Variants in ALOXE3 observed in about 807,000 individuals in gnomAD.
ALOXE3 encodes the protein hydroperoxide isomerase ALOXE3.
In ALOXE3, 78 loss-of-function variants were observed where a neutral mutation model predicts 87.5. The ratio of observed to expected loss-of-function variants is 0.89; its 90% CI spans 0.74 to 1.08. The LOEUF is 1.08. Ranked by LOEUF, ALOXE3 falls within the 50% of genes least tolerant of loss-of-function variation. The probability of loss-of-function intolerance (pLI) is 0.00; values close to 1 mark genes in which losing one functional copy is unlikely to be tolerated. For missense variants in ALOXE3, 946 were observed against 912.4 expected, an observed-to-expected ratio of 1.04 and a Z score of -0.47; for synonymous variants, 363 against 370.8, an observed-to-expected ratio of 0.98 and a Z score of 0.24.
rs769791748 is a variant in ALOXE3, at chr17:8,111,431, G to T, written c.885C>A (p.Ser295Arg). The T allele has an allele frequency of 3.7e-6, 6 of 1,614,140 alleles. No individual in the cohort carries two copies. The highest frequency in any genetic ancestry group is 2.7e-5 in the African/African-American group (2 of 75,050). ...CCATGTCATTGGTGACAGGCAGCTT[G>T]CTGGGCAAGCTAGAGATGCAGTGGA... Reference protein sequence around the residue: ...VMLHCISSLPSKLPVTNDMVA... With the variant: ...VMLHCISSLPRKLPVTNDMVA... The change falls in exon 8 of 16, where the codon AGC becomes AGA. Residue 295 changes from serine to arginine, a missense_variant. Transcript: ENST00000448843.
Position 8,108,052 on chromosome 17 carries a change from A to G in ALOXE3, c.1684+416T>C, listed in dbSNP as rs569916599. 1.3e-3 allele frequency among the ~76,000 whole-genome samples: 200 copies of G among 148,644 alleles called. 27 individuals are homozygous for G. Among genetic ancestry groups the G allele is most frequent in the Admixed American group, 0.011 (163 of 14,528 alleles). On this transcript the variant is annotated intron_variant, in intron 13 of 15. Coordinates refer to ENST00000448843, the MANE Select transcript of ALOXE3 (RefSeq NM_021628.3). Reference sequence around the variant, plus strand: ...GAAAGAAAGAAAGAAAGAAAGAAAGAAAGAAAGAAAGAAAGGAAGAGAGGT... The same window carrying G: ...GAAAGAAAGAAAGAAAGAAAGAAAGGAAGAAAGAAAGAAAGGAAGAGAGGT...
chr17:8,115,166 G>A, intron 4 of ALOXE3, 109 bp from the exon 5 acceptor site: 1 of 1,430,468 alleles, frequency 7.0e-7, no homozygotes, highest in East Asian at 2.3e-5. Context: ...CCTACTTTCT[G>A]GATGAGTGAC....
chr17:8,117,790 G>C, intron 2 of ALOXE3, 54 bp downstream of exon 2: 1 of 1,584,546 alleles, frequency 6.3e-7, no homozygotes, highest in Non-Finnish European at 8.6e-7. Context: ...TACTCCTCCC[G>C]CCTGCGGCCC....
chr17:8,118,187 G>A lies in ALOXE3; in HGVS notation c.-197C>T, dbSNP rs979078634. On this transcript the variant is annotated 5_prime_UTR_variant, in exon 2 of 16. Transcript: ENST00000448843. ...CTCTCTCCGAAGCTCCCTGCTGGCG[G>A]CTCGGGCTTCCTCTCTCCGCCCACA... 9.0e-6 allele frequency: 14 copies of A among 1,551,436 alleles called. No individual in the cohort carries two copies. The highest frequency in any genetic ancestry group is 1.4e-5 in the African/African-American group (1 of 73,018).
chr17:8,107,965 G>GGAAAGA (rs200841890), intron 13 of ALOXE3, among the ~76,000 whole-genome samples: 197 of 6,286 alleles, frequency 0.031, 84 homozygotes, highest in East Asian at 0.057. Flanking sequence ...AAGAAAGGAA[G>GGAAAGA]GAGAGAGAGA....
Position 8,115,649 on chromosome 17 carries a change from T to C in ALOXE3, c.392A>G (p.Asp131Gly). Residue 131 changes from aspartate to glycine, a missense_variant, in exon 4 of 16, where the codon GAT becomes GGT. Coordinates refer to ENST00000448843, the MANE Select transcript of ALOXE3 (RefSeq NM_021628.3). ...ICQDSLPLLL[D>G]HRTRELRARQ... ...GGCCCGGAGCTCCCGTGTCCTGTGA[T>C]CCAGGAGGAGGGGAAGAGAGTCCTG... 1 of 1,614,056 alleles carries C rather than the reference T, an allele frequency of 6.2e-7. No homozygotes were observed. The highest frequency in any genetic ancestry group is 8.5e-7 in the Non-Finnish European group (1 of 1,179,934).
At chr17:8,118,521 C>T, upstream of ALOXE3, 3 of 1,535,590 alleles carry the variant, frequency 2.0e-6, no homozygotes, top group Non-Finnish European at 1.7e-6. Flanking sequence ...GTGTGAATCA[C>T]TAAACAGTGG....
At chr17:8,106,938 T>G (rs1405010692) in intron 13 of ALOXE3, among the ~76,000 whole-genome samples, 2 of 152,200 alleles carry the variant, frequency 1.3e-5, no homozygotes, top group Non-Finnish European at 2.9e-5. Context: ...GGTTAATAAG[T>G]GTGTTTTCCC....
chr17:8,109,537 G>T (rs1979829540), intron 11 of ALOXE3, among the ~76,000 whole-genome samples, 194 bp from the exon 12 acceptor site: 1 of 152,252 alleles, frequency 6.6e-6, no homozygotes, highest in Non-Finnish European at 1.5e-5. Flanking sequence ...CGTGGGAGGA[G>T]ATCCTTAGGT....
chr17:8,113,614 C>T (rs1278337504), intron 6 of ALOXE3, among the ~76,000 whole-genome samples: 5 of 152,120 alleles, frequency 3.3e-5, no homozygotes, highest in Non-Finnish European at 7.4e-5. Flanking sequence ...GATCGAGCCA[C>T]TGCACTCCAG....
chr17:8,099,642 C>T (rs997952859), intron 15 of ALOXE3, among the ~76,000 whole-genome samples: 6 of 149,354 alleles, frequency 4.0e-5, no homozygotes, highest in Admixed American at 2.0e-4. Flanking sequence ...GCCTGGGTGA[C>T]GGAGTGAGAC....
intron 3 of ALOXE3, 61 bp from the exon 4 acceptor site, chr17:8,115,749 C>A (rs3027217): frequency 1.5e-4 from 232 of 1,543,002 alleles, no homozygotes; most frequent in Non-Finnish European, 2.0e-4. Context: ...CTTCTGCAAA[C>A]CTTGCCTGAA....
chr17:8,105,429 T>C (rs975429808), intron 13 of ALOXE3, among the ~76,000 whole-genome samples: 3 of 152,196 alleles, frequency 2.0e-5, no homozygotes, highest in East Asian at 1.9e-4. Flanking sequence ...CTTGACACAC[T>C]GTATCCCCTG....
intron 7 of ALOXE3, 112 bp downstream of exon 7, chr17:8,111,981 C>G (rs2151841537): frequency 1.0e-6 from 1 of 989,462 alleles, no homozygotes; most frequent in Non-Finnish European, 1.6e-6. Flanking sequence ...CCACTCAAAT[C>G]CAGCAGTCTC....
chr17:8,103,502 A>G lies in ALOXE3; in HGVS notation c.1786-9T>C. On this transcript the variant is annotated splice_polypyrimidine_tract_variant and intron_variant, in intron 14 of 15. Coordinates refer to ENST00000448843, the MANE Select transcript of ALOXE3 (RefSeq NM_021628.3). ...CAGGCCCCAAAGTCATGCTGTGGAGACCCCCATCCCAGTTGGGTCAGTTGG... is the reference window on the plus strand; with the variant it reads ...CAGGCCCCAAAGTCATGCTGTGGAGGCCCCCATCCCAGTTGGGTCAGTTGG... 6.2e-7 allele frequency: 1 copy of G among 1,613,114 alleles called. No individual in the cohort carries two copies. Among genetic ancestry groups the G allele is most frequent in the Non-Finnish European group, 8.5e-7 (1 of 1,179,804 alleles).
chr17:8,109,373 G>T, intron 11 of ALOXE3, 30 bp from the exon 12 acceptor site: 1 of 1,609,362 alleles, frequency 6.2e-7, no homozygotes, highest in South Asian at 1.1e-5. Flanking sequence ...CGGCTCCCGG[G>T]CCGGCCCAAT....
chr17:8,100,637 C>A (rs1038157618), intron 15 of ALOXE3, among the ~76,000 whole-genome samples: 3 of 151,918 alleles, frequency 2.0e-5, no homozygotes, highest in Admixed American at 2.0e-4. Flanking sequence ...AAGATGGGGT[C>A]TTGTTATGTG....
intron 3 of ALOXE3, 111 bp from the exon 4 acceptor site, chr17:8,115,799 G>A: frequency 2.8e-6 from 3 of 1,057,802 alleles, no homozygotes; most frequent in South Asian, 2.5e-5. Flanking sequence ...CCACATCCCT[G>A]TGAAACACGT....
chr17:8,103,624 A>G, intron 14 of ALOXE3, 131 bp from the exon 15 acceptor site: 3 of 1,038,168 alleles, frequency 2.9e-6, no homozygotes, highest in Non-Finnish European at 4.4e-6. Context: ...ACGGAAAGGC[A>G]AGAGAGCTGG....
Sources: allele counts gnomAD v4.1 joint callset (sites outside exome capture counted in the v4.1 genomes callset), GRCh38; gene constraint gnomAD v4.1.1; transcripts MANE v1.5; gene names NCBI Gene and HGNC (gene_info 2026-07-23, HGNC 2026-07-21).